KIZ: variants seen among roughly 807,000 people sequenced by gnomAD.
The protein encoded by KIZ is centrosomal protein kizuna.
A neutral mutation model predicts 79.6 loss-of-function variants in KIZ; 68 were observed. The observed-to-expected ratio is 0.85, with a 90% CI of 0.70 to 1.05. The LOEUF (loss-of-function observed/expected upper bound fraction) is 1.05, where lower values mean the gene tolerates loss of function less well. KIZ is among the 50% of genes least tolerant of loss of function. The pLI, the probability that KIZ is intolerant of heterozygous loss-of-function variation, is 0.00. For synonymous variants in KIZ, 280 were observed against 281.8 expected (o/e 0.99, Z 0.06); for missense variants, 797 against 800.4 (o/e 1.00, Z 0.05).
chr20:21,211,454 TTTCTC>T (rs2036063634), intron 7 of KIZ, among the ~76,000 whole-genome samples: 1 of 152,196 alleles, frequency 6.6e-6, no homozygotes, highest in South Asian at 2.1e-4. Flanking sequence ...AATCTCTAGT[TTTCTC>T]TTCTGGCCTC....
chr20:21,130,700 G>A (rs1280410277), intron 1 of KIZ, among the ~76,000 whole-genome samples: 1 of 151,750 alleles, frequency 6.6e-6, no homozygotes, highest in Non-Finnish European at 1.5e-5. Flanking sequence ...TGAAGATTCT[G>A]TGTCTGGATT....
intron 6 of KIZ, among the ~76,000 whole-genome samples, chr20:21,185,282 A>G (rs761006211): frequency 9.9e-5 from 15 of 151,422 alleles, no homozygotes; most frequent in Non-Finnish European, 1.6e-4. Context: ...GTGTAAATTC[A>G]TTTTGATTTG....
At chr20:21,241,593 T>C (rs1219308346) in intron 11 of KIZ, among the ~76,000 whole-genome samples, 3 of 152,248 alleles carry the variant, frequency 2.0e-5, no homozygotes, top group African/African-American at 7.2e-5. Flanking sequence ...GTGGCTTAAA[T>C]GTTCTCAAAG....
rs377126281 is a variant in KIZ at position 21,162,313 on chromosome 20, G to A, written c.848G>A (p.Ser283Asn). 1 of 1,613,918 alleles carries A rather than the reference G, an allele frequency of 6.2e-7. No individual in the cohort carries two copies. Among genetic ancestry groups the A allele is most frequent in the African/African-American group, 1.3e-5 (1 of 75,054 alleles). ...AATTCCCCGTTACGGGAAAGATTAA[G>A]TCCAGAGAACAGAACCACTGATTTA... ...ELNSPLRERL[S>N]PENRTTDLKC... Residue 283 changes from serine (S) to asparagine (N), a missense_variant, in exon 5 of 13, where the codon AGT becomes AAT. Coordinates refer to ENST00000619189, the MANE Select transcript of KIZ (RefSeq NM_018474.6).
chr20:21,232,044 C>T (rs2036851289), intron 10 of KIZ, among the ~76,000 whole-genome samples: 2 of 152,164 alleles, frequency 1.3e-5, no homozygotes, highest in Admixed American at 6.5e-5. Context: ...TGCAAAGATG[C>T]CCATGCATGC....
At chr20:21,219,297 A>G (rs1474370255) in intron 9 of KIZ, among the ~76,000 whole-genome samples, 1 of 152,130 alleles carries the variant, frequency 6.6e-6, no homozygotes, top group African/African-American at 2.4e-5. Flanking sequence ...TGCTTGAACC[A>G]TGGCAGGAAC....
intron 9 of KIZ, among the ~76,000 whole-genome samples, chr20:21,216,048 A>T (rs2036274795): frequency 6.6e-6 from 1 of 152,190 alleles, no homozygotes; most frequent in African/African-American, 2.4e-5. Context: ...AGCAGATAAT[A>T]AAAAAATGTC....
intron 6 of KIZ, among the ~76,000 whole-genome samples, chr20:21,168,257 T>G (rs1295813288): frequency 6.6e-6 from 1 of 152,180 alleles, no homozygotes; most frequent in East Asian, 1.9e-4. Flanking sequence ...AACTCATCAT[T>G]TTTTATGGCT....
In KIZ at chr20:21,162,419, G is replaced by A. The variant is rs190940090; in HGVS notation, c.954G>A (p.Pro318=). 204 of 1,613,158 alleles carry A rather than the reference G, an allele frequency of 1.3e-4. No homozygotes were observed. The highest frequency in any genetic ancestry group is 5.9e-5 in the Non-Finnish European group (69 of 1,179,274). The stretch of plus-strand genomic sequence containing the variant: ...AAGTTGAGGAAAAAAGAGCCAGCCC[G>A]CCAGTCTCTCCGATACCAGTTTCAG... The part of the protein sequence containing the change: ...HIEVEEKRAS[P]PVSPIPVSEY... Residue 318 remains proline (P), a synonymous_variant, in exon 5 of 13, where the codon CCG becomes CCA. Transcript: ENST00000619189.
At chr20:21,243,890 T>G (rs2037303266) in intron 11 of KIZ, among the ~76,000 whole-genome samples, 1 of 152,200 alleles carries the variant, frequency 6.6e-6, no homozygotes, top group Non-Finnish European at 1.5e-5. Flanking sequence ...GATGCATCAC[T>G]GTCTTCCAGA....
intron 11 of KIZ, among the ~76,000 whole-genome samples, chr20:21,236,003 A>AT: frequency 6.6e-6 from 1 of 152,260 alleles, no homozygotes; most frequent in South Asian, 2.1e-4. Context: ...TTCTTATATA[A>AT]AAGCACTCTT....
At chr20:21,166,197 A>G (rs2033929348) in intron 6 of KIZ, 10 of 1,334,150 alleles carry the variant, frequency 7.5e-6, no homozygotes, top group Non-Finnish European at 1.0e-5. Context: ...AAATATATGT[A>G]TTACATCCCT....
At chr20:21,202,309 T>G (rs1335969770) in intron 6 of KIZ, 1 of 152,230 alleles carries the variant, frequency 6.6e-6, no homozygotes, top group Middle Eastern at 3.2e-3. Context: ...TTATAAGAAA[T>G]GTACCTGCTG....
chr20:21,163,721 A>G (rs1447879912), intron 6 of KIZ, among the ~76,000 whole-genome samples: 1 of 152,232 alleles, frequency 6.6e-6, no homozygotes, highest in East Asian at 1.9e-4. Context: ...AGAATCTCTA[A>G]TGTTAAATGG....
chr20:21,244,586 A>G lies in KIZ; in HGVS notation c.1924+298A>G, dbSNP rs114474875. Reference sequence around the variant, plus strand: ...ATTATCAGCACCCTGTATTTTACCAATGAAATGTTTCTTGCCTCTCTCCTC... The same window carrying G: ...ATTATCAGCACCCTGTATTTTACCAGTGAAATGTTTCTTGCCTCTCTCCTC... On this transcript the variant is annotated intron_variant, in intron 12 of 12. Transcript: ENST00000619189. 982 of 378,140 alleles carry G rather than the reference A, an allele frequency of 2.6e-3. 15 individuals are homozygous for G. Among genetic ancestry groups the G allele is most frequent in the African/African-American group, 0.019 (930 of 47,782 alleles). The allele number at this position is 378,140 out of a possible 1,614,324, so 23.4% of individuals were successfully genotyped here. A position where few individuals can be genotyped will look rare whatever the true frequency, so the allele number is the denominator to read the frequency against.
chr20:21,188,715 T>TA (rs60850466), intron 6 of KIZ, among the ~76,000 whole-genome samples: 1 of 151,638 alleles, frequency 6.6e-6, no homozygotes, highest in East Asian at 1.9e-4. Context: ...TTTATTTATT[T>TA]TTGAGACGGA....
intron 6 of KIZ, among the ~76,000 whole-genome samples, chr20:21,179,870 C>G (rs1329197810): frequency 6.6e-6 from 1 of 152,112 alleles, no homozygotes; most frequent in Non-Finnish European, 1.5e-5. Flanking sequence ...GTGAATTTTA[C>G]AATTTTGCTT....
chr20:21,141,821 ACACTCTCTCTCTCT>A (rs2032553663), intron 3 of KIZ, among the ~76,000 whole-genome samples: 2 of 111,092 alleles, frequency 1.8e-5, no homozygotes, highest in African/African-American at 6.7e-5. Flanking sequence ...ACACACACAC[ACACTCTCTCTCTCT>A]CTCTCTCTCT....
intron 6 of KIZ, among the ~76,000 whole-genome samples, chr20:21,202,721 G>A (rs1028899708): frequency 6.6e-6 from 1 of 152,062 alleles, no homozygotes; most frequent in Non-Finnish European, 1.5e-5. Context: ...TATACACACC[G>A]CCCAGATTGT....
Sources: allele counts gnomAD v4.1 joint callset (sites outside exome capture counted in the v4.1 genomes callset), GRCh38; gene constraint gnomAD v4.1.1; transcripts MANE v1.5; gene names NCBI Gene and HGNC (gene_info 2026-07-23, HGNC 2026-07-21).